The following FAT3 variants were observed in gnomAD, a reference collection of about 807,000 sequenced individuals.
FAT3 encodes the protein protocadherin Fat 3.
In FAT3, 95 loss-of-function variants were observed where a neutral mutation model predicts 310.2. The observed-to-expected ratio is 0.31, with a 90% CI of 0.26 to 0.36. The LOEUF (loss-of-function observed/expected upper bound fraction) is 0.36. FAT3 is among the 10% of genes least tolerant of loss of function. The probability of loss-of-function intolerance (pLI) is 1.00; values close to 1 mark genes in which losing one functional copy is unlikely to be tolerated. For missense variants in FAT3, 5,408 were observed against 5,715.6 expected, an observed-to-expected ratio of 0.95 and a Z score of 1.74; for synonymous variants, 2,314 against 2,192.9, an observed-to-expected ratio of 1.06 and a Z score of -1.54.
chr11:92,271,734 C>A (rs1171879142), intron 1 of FAT3, among the ~76,000 whole-genome samples: 4 of 152,266 alleles, frequency 2.6e-5, no homozygotes, highest in East Asian at 3.9e-4. Context: ...AGAGAGGTAA[C>A]AATTTGCTTT....
chr11:92,279,202 C>T (rs926053173), intron 1 of FAT3, among the ~76,000 whole-genome samples: 1 of 152,010 alleles, frequency 6.6e-6, no homozygotes, highest in Non-Finnish European at 1.5e-5. Context: ...TTTAAATATC[C>T]ATCAGGGCTC....
chr11:92,255,169 G>A (rs1038045632), intron 1 of FAT3, among the ~76,000 whole-genome samples: 3 of 152,044 alleles, frequency 2.0e-5, no homozygotes, highest in African/African-American at 7.2e-5. Flanking sequence ...TGAGAGATCT[G>A]TACCCTGACC....
At chr11:92,736,338 A>AATGTGTG (rs2136013493) in intron 4 of FAT3, among the ~76,000 whole-genome samples, 1 of 152,242 alleles carries the variant, frequency 6.6e-6, no homozygotes, top group South Asian at 2.1e-4. Flanking sequence ...GATGCTCACC[A>AATGTGTG]AGCCCAAATG....
intron 2 of FAT3, among the ~76,000 whole-genome samples, chr11:92,471,948 TATATATA>T (rs1234903612): frequency 3.6e-5 from 4 of 112,454 alleles, no homozygotes; most frequent in Admixed American, 1.9e-4. Flanking sequence ...TATATATATA[TATATATA>T]TTCTGTAAGT....
intron 4 of FAT3, among the ~76,000 whole-genome samples, chr11:92,732,156 T>C (rs188378913): frequency 3.0e-4 from 46 of 152,344 alleles, no homozygotes; most frequent in Middle Eastern, 3.4e-3. Context: ...CGCTAGGTAC[T>C]GTTAGCATTG....
chr11:92,392,778 G>A (rs957916017), intron 2 of FAT3, among the ~76,000 whole-genome samples: 4 of 152,202 alleles, frequency 2.6e-5, no homozygotes, highest in Non-Finnish European at 5.9e-5. Flanking sequence ...AATTGTGGAA[G>A]GAGAAAGCTC....
chr11:92,469,960 A>G (rs1951865283), intron 2 of FAT3, among the ~76,000 whole-genome samples: 1 of 152,240 alleles, frequency 6.6e-6, no homozygotes, highest in South Asian at 2.1e-4. Context: ...AATATCTGGA[A>G]CATATTATCC....
intron 3 of FAT3, among the ~76,000 whole-genome samples, chr11:92,605,870 T>C (rs1940265299): frequency 1.3e-5 from 2 of 152,078 alleles, no homozygotes; most frequent in Admixed American, 6.5e-5. Flanking sequence ...GTAATACTCC[T>C]GGCGAGGGCC....
At chr11:92,556,363 T>C (rs1375573211) in intron 3 of FAT3, among the ~76,000 whole-genome samples, 1 of 152,182 alleles carries the variant, frequency 6.6e-6, no homozygotes, top group Non-Finnish European at 1.5e-5. Flanking sequence ...GCCCTCACCA[T>C]TTGTCTCAGT....
chr11:92,358,984 A>G (rs1345921599), intron 2 of FAT3, among the ~76,000 whole-genome samples: 1 of 152,162 alleles, frequency 6.6e-6, no homozygotes, highest in Admixed American at 6.6e-5. Context: ...AAGATTACCC[A>G]AGTGTTTGCA....
chr11:92,233,177 C>A (rs1864262650), intron 1 of FAT3, among the ~76,000 whole-genome samples: 1 of 152,116 alleles, frequency 6.6e-6, no homozygotes, highest in Non-Finnish European at 1.5e-5. Context: ...TTCAGTTAGT[C>A]CTTGAGGATT....
At chr11:92,878,678 A>G (rs1402845384) in intron 22 of FAT3, among the ~76,000 whole-genome samples, 2 of 145,812 alleles carry the variant, frequency 1.4e-5, no homozygotes, top group Non-Finnish European at 3.0e-5. Context: ...GCTCCGCACA[A>G]AAAAAGTTCT....
chr11:92,714,712 A>G (rs781361318), intron 4 of FAT3, among the ~76,000 whole-genome samples: 41 of 152,150 alleles, frequency 2.7e-4, no homozygotes, highest in Non-Finnish European at 4.1e-4. Context: ...TCTCCTATGA[A>G]GTTGCATTTT....
At chr11:92,882,049 C>T (rs1268868129) in intron 23 of FAT3, among the ~76,000 whole-genome samples, 1 of 152,082 alleles carries the variant, frequency 6.6e-6, no homozygotes, top group African/African-American at 2.4e-5. Context: ...AACCTATAAC[C>T]GATATATAGA....
intron 7 of FAT3, among the ~76,000 whole-genome samples, chr11:92,777,733 A>G (rs1355003837): frequency 6.6e-6 from 1 of 151,990 alleles, no homozygotes; most frequent in East Asian, 1.9e-4. Context: ...ACTTCTCCGC[A>G]CCCTAGTCTT....
chr11:92,792,567 T>C (rs1438795372), intron 8 of FAT3, among the ~76,000 whole-genome samples, 200 bp from the exon 9 acceptor site: 2 of 152,152 alleles, frequency 1.3e-5, no homozygotes, highest in African/African-American at 4.8e-5. Context: ...AGTAAAGGTG[T>C]TGTAAACCCT....
rs2136441821 is a variant in FAT3 at position 92,890,475 on chromosome 11, G to C, written c.13148-16G>C. The C allele has an allele frequency of 6.3e-7, 1 of 1,596,978 alleles. No individual in the cohort carries two copies. The highest frequency in any genetic ancestry group is 8.5e-7 in the Non-Finnish European group (1 of 1,170,732). On this transcript the variant is annotated splice_polypyrimidine_tract_variant and intron_variant, in intron 27 of 27. Transcript: ENST00000525166. The stretch of plus-strand genomic sequence containing the variant: ...CAGTCTAGAGGAAATTAACTGTCAT[G>C]GTTTTTCTCTTGCAGCCTATCACTG...
At chr11:92,461,496 T>C (rs1432969428) in intron 2 of FAT3, among the ~76,000 whole-genome samples, 1 of 152,100 alleles carries the variant, frequency 6.6e-6, no homozygotes, top group Non-Finnish European at 1.5e-5. Flanking sequence ...CATCATAATG[T>C]TGAAAACAAG....
chr11:92,353,319 G>A lies in FAT3; in HGVS notation c.1207G>A (p.Glu403Lys). 3 of 1,613,576 alleles carry A rather than the reference G, an allele frequency of 1.9e-6. No individual in the cohort carries two copies. The highest frequency in any genetic ancestry group is 2.5e-6 in the Non-Finnish European group (3 of 1,179,792). Reference sequence around the variant, plus strand: ...GGTTGCTATAGTAAAATTAAGTCCTGAACCGATAGATGTGGAATACAAATT... The same window carrying A: ...GGTTGCTATAGTAAAATTAAGTCCTAAACCGATAGATGTGGAATACAAATT... ...VVVAIVKLSPEPIDVEYKLSP... is the reference protein window; with the variant it reads ...VVVAIVKLSPKPIDVEYKLSP... The change falls in exon 2 of 28, where the codon GAA (glutamate) becomes AAA (lysine). Residue 403 changes from glutamate to lysine, a missense_variant. Glu to Lys is a moderately conservative substitution (Grantham distance 56). Around this residue, in one of 5 missense-constraint regions of FAT3, gnomAD observed 4,588 missense variants for 4,809.8 expected, o/e 0.95. Transcript: ENST00000525166.
Sources: gnomAD v4.1 joint callset for allele counts (sites outside exome capture counted in the v4.1 genomes callset) on GRCh38, gnomAD v4.1.1 for gene constraint, gnomAD v4.1.1 regional missense constraint, MANE v1.5 for transcripts, NCBI Gene and HGNC (gene_info 2026-07-23, HGNC 2026-07-21) for gene names.